Variants in LRRC4C observed in about 807,000 individuals in gnomAD.
LRRC4C encodes the protein leucine-rich repeat-containing protein 4C.
LRRC4C carries 5 observed loss-of-function variants against 33.6 expected under a neutral mutation model. The observed-to-expected ratio is 0.15, with a 90% CI of 0.08 to 0.31. LRRC4C has a LOEUF of 0.31. LRRC4C is among the 10% of genes least tolerant of loss of function. The pLI, the probability that LRRC4C is intolerant of heterozygous loss-of-function variation, is 1.00. For synonymous variants in LRRC4C, 329 were observed against 302.0 expected, an observed-to-expected ratio of 1.09 and a Z score of -0.93; for missense variants, 560 against 796.7, an observed-to-expected ratio of 0.70 and a Z score of 3.58.
At chr11:41,139,519 G>T (rs1230047333) in intron 1 of LRRC4C, among the ~76,000 whole-genome samples, 1 of 152,160 alleles carries the variant, frequency 6.6e-6, no homozygotes, top group African/African-American at 2.4e-5. Flanking sequence ...GTGGTAAATG[G>T]CAAGTGAGAA....
chr11:40,824,855 A>G (rs1252669104), intron 2 of LRRC4C, among the ~76,000 whole-genome samples: 1 of 151,942 alleles, frequency 6.6e-6, no homozygotes, highest in East Asian at 1.9e-4. Context: ...AGAACAAGTA[A>G]AGATAATTAT....
intron 1 of LRRC4C, among the ~76,000 whole-genome samples, chr11:41,230,272 T>C (rs575874297): frequency 2.0e-5 from 3 of 152,186 alleles, no homozygotes; most frequent in African/African-American, 7.2e-5. Flanking sequence ...TAGCTTAAAC[T>C]CAGAATGTGT....
chr11:40,986,809 T>A (rs1306671988), intron 1 of LRRC4C, among the ~76,000 whole-genome samples: 2 of 152,228 alleles, frequency 1.3e-5, no homozygotes, highest in Non-Finnish European at 2.9e-5. Context: ...TATCTATATA[T>A]CTGTGTATTT....
rs562898121 is a variant in LRRC4C at position 41,068,407 on chromosome 11, A to T, written c.-495-134684T>A. On this transcript the variant is annotated intron_variant, in intron 1 of 6. Transcript: ENST00000528697. ...CTCCGTCCCCTCCCCCCAACAAAAA[A>T]AAATAAATAAATAAAATAAATGAAT... Among the ~76,000 whole-genome samples, 281 of 152,270 alleles carry T rather than the reference A, an allele frequency of 1.8e-3. 1 individual carries two copies. Among genetic ancestry groups the T allele is most frequent in the South Asian group, 7.3e-3 (35 of 4,824 alleles).
At chr11:40,473,704 C>G (rs1953060967) in intron 3 of LRRC4C, among the ~76,000 whole-genome samples, 1 of 152,094 alleles carries the variant, frequency 6.6e-6, no homozygotes, top group African/African-American at 2.4e-5. Context: ...TTAGAAAACC[C>G]CATCGTCTCA....
At chr11:41,371,237 T>G (rs1565620188) in intron 1 of LRRC4C, among the ~76,000 whole-genome samples, 1 of 152,152 alleles carries the variant, frequency 6.6e-6, no homozygotes, top group Non-Finnish European at 1.5e-5. Context: ...CCAAAACAAT[T>G]TATTACATTT....
intron 2 of LRRC4C, among the ~76,000 whole-genome samples, chr11:40,672,906 T>C (rs373162652): frequency 1.3e-5 from 2 of 152,302 alleles, no homozygotes; most frequent in East Asian, 3.9e-4. Context: ...ATGAGCATTT[T>C]GACAATTCCC....
At chr11:40,304,755 A>G (rs1944944936) in intron 4 of LRRC4C, among the ~76,000 whole-genome samples, 1 of 150,186 alleles carries the variant, frequency 6.7e-6, no homozygotes, top group African/African-American at 2.5e-5. Context: ...TTTTTGAGAC[A>G]GAGTCTTGCT....
chr11:40,965,686 T>G (rs567933329), intron 1 of LRRC4C, among the ~76,000 whole-genome samples: 4 of 152,208 alleles, frequency 2.6e-5, no homozygotes, highest in Admixed American at 2.6e-4. Flanking sequence ...TGTAGACATA[T>G]GGCATTATTT....
rs151205924 is a variant in LRRC4C at position 40,136,528 on chromosome 11, G to A, written c.-43+4273C>T. Among the ~76,000 whole-genome samples, 11 of 150,418 alleles carry A rather than the reference G, an allele frequency of 7.3e-5. No individual in the cohort carries two copies. The East Asian group carries it at 1.6e-3, about 21-fold the overall frequency. On this transcript the variant is annotated intron_variant, in intron 6 of 6. Transcript: ENST00000528697. ...CCTGACCTCGTGACCCGCCCACCTC[G>A]GCCTCCCAAAGTGCTGGGATTACAG... is the stretch of plus-strand genomic sequence containing the variant.
At position 40,723,307 on chromosome 11, in the gene LRRC4C, C is replaced by T. The variant is rs749687317; in HGVS notation, c.-406-75029G>A. Among the ~76,000 whole-genome samples the T allele has an allele frequency of 9.2e-5, 14 of 151,596 alleles. No homozygotes were observed. The South Asian group carries it at 1.2e-3, about 14-fold the overall frequency. On this transcript the variant is annotated intron_variant, in intron 2 of 6. Coordinates refer to ENST00000528697, the MANE Select transcript of LRRC4C (RefSeq NM_001258419.2). ...ATCATCCCCAGGACACATAGTCATC[C>T]GACTTTCTAAGATTAATGCAAAAAA...
intron 5 of LRRC4C, among the ~76,000 whole-genome samples, chr11:40,180,836 C>T (rs901131168): frequency 1.3e-5 from 2 of 152,034 alleles, no homozygotes; most frequent in African/African-American, 4.8e-5. Flanking sequence ...AAATGATATG[C>T]TATATTTTTT....
intron 2 of LRRC4C, among the ~76,000 whole-genome samples, chr11:40,660,277 C>T (rs1183108638): frequency 1.3e-5 from 2 of 152,182 alleles, no homozygotes; most frequent in African/African-American, 2.4e-5. Context: ...CCACTCAGCA[C>T]CTGGATTGCC....
chr11:41,255,848 T>C (rs1275395939), intron 1 of LRRC4C, among the ~76,000 whole-genome samples: 1 of 152,020 alleles, frequency 6.6e-6, no homozygotes, highest in Non-Finnish European at 1.5e-5. Context: ...CTTGATTCTC[T>C]AGATGTGCCC....
chr11:40,910,108 A>G lies in LRRC4C; in HGVS notation c.-407+23527T>C, dbSNP rs543585707. ...AACTTGTTGGTCTCTATACAATCTG[A>G]TAGGAATATTAATGCAATTCTACTA... On this transcript the variant is annotated intron_variant, in intron 2 of 6. Coordinates refer to ENST00000528697, the MANE Select transcript of LRRC4C (RefSeq NM_001258419.2). 3.3e-5 allele frequency among the ~76,000 whole-genome samples: 5 copies of G among 152,306 alleles called. No homozygotes were observed. In the South Asian group the frequency reaches 6.2e-4, roughly 19 times the overall value.
chr11:41,171,668 T>C (rs758467227), intron 1 of LRRC4C, among the ~76,000 whole-genome samples: 12 of 151,798 alleles, frequency 7.9e-5, no homozygotes, highest in Non-Finnish European at 1.3e-4. Context: ...ATAATAATAA[T>C]AAAATTTTAA....
intron 2 of LRRC4C, among the ~76,000 whole-genome samples, chr11:40,756,826 A>C (rs1185292197): frequency 6.6e-6 from 1 of 152,002 alleles, no homozygotes; most frequent in Non-Finnish European, 1.5e-5. Context: ...CAATGGATAA[A>C]TGAATATACA....
chr11:41,293,698 A>G (rs1421848201), intron 1 of LRRC4C, among the ~76,000 whole-genome samples: 1 of 151,978 alleles, frequency 6.6e-6, no homozygotes, highest in Non-Finnish European at 1.5e-5. Context: ...CCTGGGTTCA[A>G]GTGATTCTCC....
chr11:40,455,750 T>C (rs1454959429), intron 3 of LRRC4C, among the ~76,000 whole-genome samples: 2 of 152,150 alleles, frequency 1.3e-5, no homozygotes, highest in Non-Finnish European at 2.9e-5. Context: ...TGCAACTCTT[T>C]ATATTGGTGA....
Sources: gnomAD v4.1 joint callset for allele counts (sites outside exome capture counted in the v4.1 genomes callset) on GRCh38, gnomAD v4.1.1 for gene constraint, MANE v1.5 for transcripts, NCBI Gene and HGNC (gene_info 2026-07-23, HGNC 2026-07-21) for gene names.